PHF3: variants seen among roughly 807,000 people sequenced by gnomAD.
The protein encoded by PHF3 is PHD finger protein 3.
A neutral mutation model predicts 178.4 loss-of-function variants in PHF3; 41 were observed. That is an observed-to-expected ratio of 0.23 (90% confidence interval 0.18 to 0.30). The LOEUF (loss-of-function observed/expected upper bound fraction) is 0.30, where lower values mean the gene tolerates loss of function less well. Among genes scored for constraint, PHF3 ranks in the 10% least tolerant of loss-of-function variants. The pLI is 1.00. For synonymous variants in PHF3, 842 were observed against 800.5 expected (o/e 1.05, Z -0.88); for missense variants, 2,346 against 2,398.1 (o/e 0.98, Z 0.45).
At chr6:63,647,160 A>G (rs77811777) in intron 2 of PHF3, among the ~76,000 whole-genome samples, 2,411 of 152,138 alleles carry the variant, frequency 0.016, 51 homozygotes, top group South Asian at 0.088. Context: ...TGCCCGGCAA[A>G]TTGAGACATG....
intron 2 of PHF3, among the ~76,000 whole-genome samples, chr6:63,651,731 G>T (rs1412670918): frequency 6.6e-6 from 1 of 151,914 alleles, no homozygotes; most frequent in Non-Finnish European, 1.5e-5. Context: ...CCCCAACTCT[G>T]GTAATCACTA....
Position 63,685,783 on chromosome 6 carries a change from A to G in PHF3, c.2061A>G (p.Pro687=), listed in dbSNP as rs146698371. ...SSKSFSLDEP[P]LFIPDNIATI... ...AAAGTTTTTCTTTAGATGAGCCACC[A>G]TTGTTCATTCCAGATAACATAGCTA... is the stretch of plus-strand genomic sequence containing the variant. Residue 687 remains proline, a synonymous_variant, in exon 4 of 16, where the codon CCA becomes CCG. Transcript: ENST00000262043. The G allele has an allele frequency of 1.6e-4, 255 of 1,614,032 alleles. No individual in the cohort carries two copies. In the Middle Eastern group the frequency reaches 2.0e-3, roughly 13 times the overall value.
intron 2 of PHF3, among the ~76,000 whole-genome samples, chr6:63,664,941 A>G (rs575434786): frequency 5.3e-5 from 8 of 152,164 alleles, no homozygotes; most frequent in African/African-American, 1.9e-4. Flanking sequence ...ATTTTAGTTA[A>G]TTAGAACATT....
At position 63,636,033 on chromosome 6, in the gene PHF3, C is replaced by T. The variant is rs992350191; in HGVS notation, c.-143C>T. ...GAGGCTGTGGCAGCGACGCCGACGT[C>T]CTGCGCGTACCCCCTCTCCGCGGCA... On this transcript the variant is annotated 5_prime_UTR_variant, in exon 1 of 16. Coordinates refer to ENST00000262043, the MANE Select transcript of PHF3 (RefSeq NM_001370348.2). The T allele has an allele frequency of 2.5e-6, 1 of 396,248 alleles. No homozygotes were observed. Among genetic ancestry groups the T allele is most frequent in the East Asian group, 3.6e-5 (1 of 27,936 alleles). The allele number at this position is 396,248 out of a possible 1,614,324, so 24.5% of individuals were successfully genotyped here. A position where few individuals can be genotyped will look rare whatever the true frequency, so the allele number is the denominator to read the frequency against.
At position 63,713,890 on chromosome 6, in the gene PHF3, C is replaced by T. The variant is rs538980908; in HGVS notation, c.*182C>T. 1.3e-5 allele frequency: 6 copies of T among 444,944 alleles called. No homozygotes were observed. Among genetic ancestry groups the T allele is most frequent in the East Asian group, 1.0e-4 (3 of 29,074 alleles). The allele number at this position is 444,944 out of a possible 1,614,324, so 27.6% of individuals were successfully genotyped here. On this transcript the variant is annotated 3_prime_UTR_variant, in exon 16 of 16. Transcript: ENST00000262043. ...TCTGTACCAGTGCTCATCATCCCTT[C>T]TTCATACCAACGGTCCCTAGTTATA...
chr6:63,716,805 T>C lies in PHF3; in HGVS notation c.*3097T>C, dbSNP rs1356058881. 6.6e-6 allele frequency among the ~76,000 whole-genome samples: 1 copy of C among 152,056 alleles called. No individual in the cohort carries two copies. The highest frequency in any genetic ancestry group is 2.1e-4 in the South Asian group (1 of 4,822). On this transcript the variant is annotated 3_prime_UTR_variant, in exon 16 of 16. Coordinates refer to ENST00000262043, the MANE Select transcript of PHF3 (RefSeq NM_001370348.2). ...CTCTAGTATCTCTGACCTTCCCTTC[T>C]GATTCCCTCTTCTACTACAAAGGAC... is the stretch of plus-strand genomic sequence containing the variant.
chr6:63,694,305 T>C (rs1301562691), intron 5 of PHF3, among the ~76,000 whole-genome samples: 2 of 152,210 alleles, frequency 1.3e-5, no homozygotes, highest in Non-Finnish European at 2.9e-5. Flanking sequence ...TTCTTTACAA[T>C]TTCCTCCTTT....
Position 63,684,766 on chromosome 6 carries a change from T to C in PHF3, c.1044T>C (p.Ala348=), listed in dbSNP as rs768134802. Residue 348 remains alanine (A), a synonymous_variant, in exon 4 of 16, where the codon GCT becomes GCC. Transcript: ENST00000262043. ...GATCTTCTGATATTTCTAGTGATGC[T>C]GCTTGTACAAATCCAAATAAGACAG... ...DAGSSDISSD[A]ACTNPNKTEN... 6.2e-7 allele frequency: 1 copy of C among 1,614,076 alleles called. No homozygotes were observed. Among genetic ancestry groups the C allele is most frequent in the Non-Finnish European group, 8.5e-7 (1 of 1,179,946 alleles).
Position 63,713,590 on chromosome 6 carries a change from G to A in PHF3, c.6002G>A (p.Ser2001Asn). 1 of 1,613,620 alleles carries A rather than the reference G, an allele frequency of 6.2e-7. No homozygotes were observed. The highest frequency in any genetic ancestry group is 1.1e-5 in the South Asian group (1 of 91,052). ...GACAAGAAGCCAGATAAACCTAAAA[G>A]TGAAGACTATGAGAAGGACAAAGAA... ...NVDKKPDKPK[S>N]EDYEKDKERE... The change falls in exon 16 of 16, where the codon AGT becomes AAT. Residue 2001 changes from serine (S) to asparagine (N), a missense_variant. Physicochemically the swap from Ser to Asn is conservative, Grantham distance 46. Coordinates refer to ENST00000262043, the MANE Select transcript of PHF3 (RefSeq NM_001370348.2).
At position 63,715,796 on chromosome 6, in the gene PHF3, T is replaced by A. The variant is rs1399134089; in HGVS notation, c.*2088T>A. On this transcript the variant is annotated 3_prime_UTR_variant, in exon 16 of 16. Transcript: ENST00000262043. ...GTATGGTCATATTAGCTATTTGAGG[T>A]TTTCCTTTTGAGGAAAAAAAGGGAA... 1.3e-5 allele frequency among the ~76,000 whole-genome samples: 2 copies of A among 151,876 alleles called. No individual in the cohort carries two copies. Among genetic ancestry groups the A allele is most frequent in the African/African-American group, 4.8e-5 (2 of 41,356 alleles).
intron 4 of PHF3, among the ~76,000 whole-genome samples, chr6:63,690,731 A>C (rs1223882197): frequency 6.6e-6 from 1 of 152,122 alleles, no homozygotes; most frequent in Admixed American, 6.5e-5. Context: ...AAAAAGGACA[A>C]AGTTAAGGAT....
intron 2 of PHF3, among the ~76,000 whole-genome samples, chr6:63,666,554 A>T (rs1242074188): frequency 1.3e-5 from 2 of 151,860 alleles, no homozygotes; most frequent in Admixed American, 1.3e-4. Context: ...CAGTATACTC[A>T]TATGTTCAAG....
Position 63,707,847 on chromosome 6 carries a change from GTTTGTTTTTGTT to G in PHF3, c.3711+998_3711+1009del, listed in dbSNP as rs781937312. On this transcript the variant is annotated intron_variant, in intron 13 of 15. Transcript: ENST00000262043. Reference sequence around the variant, plus strand: ...CAGTTTATTTGGTTAGCAGTTGTGGGTTTGTTTTTGTTTTTGTTTTTGTTTTTGTTTTTGTTT... The same window carrying G: ...CAGTTTATTTGGTTAGCAGTTGTGGGTTTGTTTTTGTTTTTGTTTTTGTTT... Among the ~76,000 whole-genome samples, 8 of 148,074 alleles carry G rather than the reference GTTTGTTTTTGTT, an allele frequency of 5.4e-5. No individual in the cohort carries two copies. In the East Asian group the frequency reaches 8.0e-4, roughly 15 times the overall value.
chr6:63,689,939 T>C (rs1766923541), intron 4 of PHF3, among the ~76,000 whole-genome samples: 1 of 152,180 alleles, frequency 6.6e-6, no homozygotes, highest in Non-Finnish European at 1.5e-5. Context: ...TTAGCTTTCC[T>C]TCAGCATTTC....
chr6:63,665,085 A>G (rs1765624604), intron 2 of PHF3, among the ~76,000 whole-genome samples: 4 of 152,132 alleles, frequency 2.6e-5, no homozygotes, highest in Admixed American at 2.6e-4. Context: ...GATTAAAAAC[A>G]TTTTTTAAGT....
In PHF3 at chr6:63,712,904, A is replaced by C; in HGVS notation, c.5316A>C (p.Pro1772=). Residue 1772 remains proline, a synonymous_variant, in exon 16 of 16, where the codon CCA becomes CCC. Coordinates refer to ENST00000262043, the MANE Select transcript of PHF3 (RefSeq NM_001370348.2). ...ATTTTGAAGTTGGAAACACATGTCC[A>C]TCAGAATTTCCTTCTAAAAGCATCA... ...TSHFEVGNTC[P]SEFPSKSITF... The C allele has an allele frequency of 6.2e-7, 1 of 1,614,066 alleles. No individual in the cohort carries two copies.
chr6:63,652,867 C>G (rs186872411), intron 2 of PHF3, among the ~76,000 whole-genome samples: 1 of 151,968 alleles, frequency 6.6e-6, no homozygotes, highest in Admixed American at 6.5e-5. Flanking sequence ...TTCTGGGTTT[C>G]TTTTTCTGTT....
At chr6:63,710,786 G>A (rs1767892251) in intron 14 of PHF3, among the ~76,000 whole-genome samples, 1 of 152,164 alleles carries the variant, frequency 6.6e-6, no homozygotes, top group African/African-American at 2.4e-5. Context: ...AAGAACATAA[G>A]CAGCCCTTTG....
intron 4 of PHF3, among the ~76,000 whole-genome samples, chr6:63,688,662 C>T (rs1425463365): frequency 2.0e-5 from 3 of 152,022 alleles, no homozygotes; most frequent in Non-Finnish European, 4.4e-5. Context: ...ATTAACTAGC[C>T]TTCACTACTA....
Sources: gnomAD v4.1 joint callset for allele counts (sites outside exome capture counted in the v4.1 genomes callset) on GRCh38, gnomAD v4.1.1 for gene constraint, MANE v1.5 for transcripts, NCBI Gene and HGNC (gene_info 2026-07-23, HGNC 2026-07-21) for gene names.